The following ZNF148 variants were observed in gnomAD, a reference collection of about 807,000 sequenced individuals.
ZNF148 encodes zinc finger protein 148.
In ZNF148, 7 loss-of-function variants were observed where a neutral mutation model predicts 67.7. That is an observed-to-expected ratio of 0.10 (90% CI 0.06 to 0.19). The LOEUF (loss-of-function observed/expected upper bound fraction) is 0.19, where lower values mean the gene tolerates loss of function less well. Among genes scored for constraint, ZNF148 ranks in the 10% least tolerant of loss-of-function variants. ZNF148 has a pLI of 1.00. For synonymous variants in ZNF148, 333 were observed against 330.7 expected (o/e 1.01, Z -0.08); for missense variants, 583 against 947.1 (o/e 0.62, Z 5.05).
chr3:125,271,578 T>G (rs1284537200), intron 7 of ZNF148, among the ~76,000 whole-genome samples: 1 of 152,204 alleles, frequency 6.6e-6, no homozygotes, highest in Non-Finnish European at 1.5e-5. Context: ...AGATTGTTAT[T>G]TACCAGTTAT....
chr3:125,234,006 A>C (rs1935971529), intron 8 of ZNF148, 67 bp from the exon 9 acceptor site: 4 of 1,504,984 alleles, frequency 2.7e-6, no homozygotes, highest in Non-Finnish European at 3.5e-6. Context: ...GAAAAAGTGA[A>C]ACAAAACAAT....
In ZNF148 at chr3:125,344,487, A is replaced by C. The variant is rs567178212; in HGVS notation, c.-233-13249T>G. 4.7e-4 allele frequency: 544 copies of C among 1,146,726 alleles called. 3 individuals are homozygous for C. Among genetic ancestry groups the C allele is most frequent in the Middle Eastern group, 3.1e-3 (14 of 4,504 alleles). The allele number at this position is 1,146,726 out of a possible 1,614,324, so 71.0% of individuals were successfully genotyped here. A position where few individuals can be genotyped will look rare whatever the true frequency, so the allele number is the denominator to read the frequency against. On this transcript the variant is annotated intron_variant, in intron 1 of 8. Coordinates refer to ENST00000360647, the MANE Select transcript of ZNF148 (RefSeq NM_021964.3). The stretch of plus-strand genomic sequence containing the variant: ...TAAAAATGGGTCCCTTCCACCAAAA[A>C]AATTCCCTGAAGACATCATCTGGGT...
chr3:125,302,021 T>C (rs1451894612), intron 4 of ZNF148, among the ~76,000 whole-genome samples: 2 of 151,902 alleles, frequency 1.3e-5, no homozygotes, highest in African/African-American at 2.4e-5. Flanking sequence ...GCCAAGACCA[T>C]GCCACTGCAC....
chr3:125,304,481 C>T (rs1408997847), intron 4 of ZNF148, among the ~76,000 whole-genome samples: 1 of 152,062 alleles, frequency 6.6e-6, no homozygotes, highest in Non-Finnish European at 1.5e-5. Flanking sequence ...AAGGTATCCA[C>T]GCAGGGCAGG....
intron 1 of ZNF148, among the ~76,000 whole-genome samples, chr3:125,340,338 C>T (rs1941660851): frequency 6.6e-6 from 1 of 152,168 alleles, no homozygotes; most frequent in Non-Finnish European, 1.5e-5. Context: ...ACTCTTCTTC[C>T]CTATTTGGCC....
chr3:125,356,422 GA>G (rs1250024385), intron 1 of ZNF148, among the ~76,000 whole-genome samples: 1 of 152,096 alleles, frequency 6.6e-6, no homozygotes, highest in Non-Finnish European at 1.5e-5. Context: ...TAACAATACT[GA>G]AAATCTGCCC....
chr3:125,297,079 A>G (rs1268263626), intron 4 of ZNF148, among the ~76,000 whole-genome samples: 1 of 151,946 alleles, frequency 6.6e-6, no homozygotes, highest in Non-Finnish European at 1.5e-5. Flanking sequence ...ACATTTTTCA[A>G]TCTTAAAAAG....
chr3:125,325,185 C>T (rs1293308305), intron 2 of ZNF148, among the ~76,000 whole-genome samples: 8 of 151,724 alleles, frequency 5.3e-5, no homozygotes, highest in African/African-American at 1.9e-4. Context: ...GTAAAAGAAC[C>T]AAATGGAAAT....
chr3:125,282,065 C>A (rs4679379), intron 5 of ZNF148, among the ~76,000 whole-genome samples: 117,169 of 152,068 alleles, frequency 0.77, 45,695 homozygotes, highest in African/African-American at 0.85. Flanking sequence ...TTACCACTTT[C>A]TTGTTTTTTA....
chr3:125,357,530 G>A (rs1355391186), intron 1 of ZNF148, among the ~76,000 whole-genome samples: 4 of 152,004 alleles, frequency 2.6e-5, no homozygotes, highest in East Asian at 1.9e-4. Context: ...AGAGCGCACG[G>A]ACCCAGGCGG....
intron 7 of ZNF148, among the ~76,000 whole-genome samples, chr3:125,257,324 G>C (rs1453142025): frequency 6.6e-6 from 1 of 151,978 alleles, no homozygotes; most frequent in African/African-American, 2.4e-5. Context: ...GGCCAAGGTG[G>C]GCAGATCACC....
chr3:125,354,862 A>G lies in ZNF148; in HGVS notation c.-234+20240T>C, dbSNP rs1024230092. Among the ~76,000 whole-genome samples, 21 of 152,380 alleles carry G rather than the reference A, an allele frequency of 1.4e-4. No individual in the cohort carries two copies. The South Asian group carries it at 2.9e-3, about 21-fold the overall frequency. On this transcript the variant is annotated intron_variant, in intron 1 of 8. Transcript: ENST00000360647. ...GAATTCAAAAATATGTGTGAATCTG[A>G]AAAAGTAACTAATTCACTGAAAGAC...
At chr3:125,362,548 T>C (rs531675197) in intron 1 of ZNF148, among the ~76,000 whole-genome samples, 3 of 133,996 alleles carry the variant, frequency 2.2e-5, no homozygotes, top group Non-Finnish European at 5.1e-5. Context: ...TACCCTTTTT[T>C]TGTTTTTGTT....
chr3:125,369,876 T>C (rs1942822195), intron 1 of ZNF148, among the ~76,000 whole-genome samples: 1 of 143,922 alleles, frequency 6.9e-6, no homozygotes, highest in Non-Finnish European at 1.5e-5. Flanking sequence ...CTTGGGAGGC[T>C]GAGGCAGGAG....
chr3:125,297,766 T>C (rs996983047), intron 4 of ZNF148, among the ~76,000 whole-genome samples: 1 of 152,110 alleles, frequency 6.6e-6, no homozygotes, highest in Non-Finnish European at 1.5e-5. Context: ...AGCAAGGATA[T>C]AGAGCAATTA....
chr3:125,255,916 C>A (rs1392904485), intron 7 of ZNF148, among the ~76,000 whole-genome samples: 2 of 151,860 alleles, frequency 1.3e-5, no homozygotes, highest in Non-Finnish European at 2.9e-5. Flanking sequence ...AAATGATGTG[C>A]CTCCTTGGTT....
chr3:125,263,773 A>T (rs1215332943), intron 7 of ZNF148, among the ~76,000 whole-genome samples: 1 of 150,334 alleles, frequency 6.7e-6, no homozygotes. Context: ...AACCCTAGGG[A>T]TTTCCTGGGT....
At chr3:125,328,116 C>T (rs1238189854) in intron 2 of ZNF148, among the ~76,000 whole-genome samples, 1 of 151,682 alleles carries the variant, frequency 6.6e-6, no homozygotes, top group African/African-American at 2.4e-5. Flanking sequence ...TTCCTAAAGA[C>T]ACCTGGCCAA....
At chr3:125,288,057 G>T (rs758979179) in intron 5 of ZNF148, 46 bp downstream of exon 5, 1 of 1,611,758 alleles carries the variant, frequency 6.2e-7, no homozygotes, top group Non-Finnish European at 8.5e-7. Context: ...TTAACCAACA[G>T]TTGGAATTAA....
Sources: gnomAD v4.1 joint callset for allele counts (sites outside exome capture counted in the v4.1 genomes callset) on GRCh38, gnomAD v4.1.1 for gene constraint, MANE v1.5 for transcripts, NCBI Gene and HGNC (gene_info 2026-07-23, HGNC 2026-07-21) for gene names.